Variants in CNNM4 observed in about 807,000 individuals in gnomAD.
CNNM4 encodes metal transporter CNNM4.
Under a neutral mutation model 53.7 loss-of-function variants are expected in CNNM4, and 32 were observed. The ratio of observed to expected loss-of-function variants is 0.60; its 90% CI spans 0.45 to 0.80. The LOEUF is 0.80. CNNM4 is among the 30% of genes least tolerant of loss of function. The pLI is 0.00. For synonymous variants in CNNM4, 410 were observed against 440.0 expected (o/e 0.93, Z 0.85); for missense variants, 784 against 1,022.0 (o/e 0.77, Z 3.17).
intron 1 of CNNM4, among the ~76,000 whole-genome samples, chr2:96,774,998 A>G (rs201005207): frequency 3.1e-4 from 36 of 116,488 alleles, no homozygotes; most frequent in East Asian, 5.4e-4. Context: ...AAAAAAAAAA[A>G]GCCAGAAGAT....
chr2:96,804,211 T>G (rs1016863952), intron 5 of CNNM4, among the ~76,000 whole-genome samples: 4 of 150,056 alleles, frequency 2.7e-5, no homozygotes, highest in Non-Finnish European at 5.9e-5. Flanking sequence ...CTAATCTTAA[T>G]AGGTCACGTC....
chr2:96,768,458 T>G (rs923278946), intron 1 of CNNM4, among the ~76,000 whole-genome samples: 1 of 152,082 alleles, frequency 6.6e-6, no homozygotes. Context: ...TAGGGTGCCG[T>G]GGGGCTGAGG....
intron 3 of CNNM4, among the ~76,000 whole-genome samples, chr2:96,798,653 CAAT>C (rs2079128097): frequency 6.6e-6 from 1 of 152,060 alleles, no homozygotes. Flanking sequence ...GATGCTGATG[CAAT>C]AATTATAGTC....
At chr2:96,793,479 G>C (rs1281774556) in intron 1 of CNNM4, among the ~76,000 whole-genome samples, 3 of 152,222 alleles carry the variant, frequency 2.0e-5, no homozygotes, top group Non-Finnish European at 4.4e-5. Context: ...GGGTGAACGT[G>C]TACATGGTGC....
At position 96,800,753 on chromosome 2, in the gene CNNM4, CTGTT is replaced by C. The variant is rs2079151104; in HGVS notation, c.1948+1109_1948+1112del. Among the ~76,000 whole-genome samples, 1 of 152,228 alleles carries C rather than the reference CTGTT, an allele frequency of 6.6e-6. No individual in the cohort carries two copies. The highest frequency in any genetic ancestry group is 1.5e-5 in the Non-Finnish European group (1 of 68,030). On this transcript the variant is annotated intron_variant, in intron 5 of 6. Transcript: ENST00000377075. The surrounding 1 kb of genome is among the most constrained non-coding windows in gnomAD (Gnocchi z 4.6). ...AGGCACGGGAGGCTTCCCCCAGGCA[CTGTT>C]TGTGCAGTGAAGCCTCAGAGGCCCG... is the stretch of plus-strand genomic sequence containing the variant.
Position 96,797,061 on chromosome 2 carries a change from T to C in CNNM4, c.1452T>C (p.Gly484=), listed in dbSNP as rs2153349269. Residue 484 remains glycine (G), a synonymous_variant, in exon 2 of 7, where the codon GGT becomes GGC. Transcript: ENST00000377075. The surrounding 1 kb of genome is among the most constrained non-coding windows in gnomAD (Gnocchi z 6.0). ...AGAAGGTAAACAACGAGGGTGAGGG[T>C]GACCCCTTCTACGAGGTCCTGGGCC... ...IVQKVNNEGE[G]DPFYEVLGLV... is the part of the protein sequence containing the mutation. 6.2e-7 allele frequency: 1 copy of C among 1,613,960 alleles called. No individual in the cohort carries two copies. Among genetic ancestry groups the C allele is most frequent in the Non-Finnish European group, 8.5e-7 (1 of 1,179,996 alleles).
At chr2:96,794,636 G>A (rs2079088116) in intron 1 of CNNM4, among the ~76,000 whole-genome samples, 1 of 152,148 alleles carries the variant, frequency 6.6e-6, no homozygotes, top group African/African-American at 2.4e-5. Context: ...CTGTTAAAAA[G>A]AATGTTGCCA....
At chr2:96,792,029 T>C (rs939942410) in intron 1 of CNNM4, among the ~76,000 whole-genome samples, 3 of 151,210 alleles carry the variant, frequency 2.0e-5, no homozygotes, top group African/African-American at 7.3e-5. Flanking sequence ...CGAGGTGGGC[T>C]GAACACTTGA....
intron 1 of CNNM4, among the ~76,000 whole-genome samples, chr2:96,796,407 A>G (rs1007350584): frequency 1.3e-5 from 2 of 151,958 alleles, no homozygotes; most frequent in African/African-American, 2.4e-5. Flanking sequence ...AGCCCGTCCA[A>G]GGTGCTGGGA....
At position 96,808,114 on chromosome 2, in the gene CNNM4, C is replaced by G. The variant is rs1024297134; in HGVS notation, c.1949-447C>G. ...ATGTTGGCCAGCCTAGTCTCCAACT[C>G]TGACCTCAGGTCATCCTCCTGCCTC... On this transcript the variant is annotated intron_variant, in intron 5 of 6. Coordinates refer to ENST00000377075, the MANE Select transcript of CNNM4 (RefSeq NM_020184.4). This position sits in a 1 kb window ranked among gnomAD's most constrained non-coding sequence, Gnocchi z 4.9. 5.3e-5 allele frequency among the ~76,000 whole-genome samples: 8 copies of G among 152,142 alleles called. No individual in the cohort carries two copies. The highest frequency in any genetic ancestry group is 1.9e-4 in the African/African-American group (8 of 41,442).
At chr2:96,802,031 A>G (rs988266749) in intron 5 of CNNM4, among the ~76,000 whole-genome samples, 1 of 150,740 alleles carries the variant, frequency 6.6e-6, no homozygotes, top group Non-Finnish European at 1.5e-5. Context: ...GCACCCACCC[A>G]TAGGCACACA....
chr2:96,763,531 A>G (rs1047471427), intron 1 of CNNM4, among the ~76,000 whole-genome samples: 3 of 152,166 alleles, frequency 2.0e-5, no homozygotes, highest in Non-Finnish European at 4.4e-5. Flanking sequence ...CTTCATTCCC[A>G]TAGGAGAGCT....
At chr2:96,793,369 C>T (rs138758993) in intron 1 of CNNM4, among the ~76,000 whole-genome samples, 269 of 152,354 alleles carry the variant, frequency 1.8e-3, no homozygotes, top group African/African-American at 6.3e-3. Flanking sequence ...AAAGCTCACC[C>T]TGCAGAGGGT....
At chr2:96,768,376 C>G (rs2078837287) in intron 1 of CNNM4, among the ~76,000 whole-genome samples, 1 of 152,162 alleles carries the variant, frequency 6.6e-6, no homozygotes, top group Non-Finnish European at 1.5e-5. Flanking sequence ...TAAAACTGCC[C>G]TGTTCACAGA....
chr2:96,793,538 C>T (rs559347679), intron 1 of CNNM4, among the ~76,000 whole-genome samples: 1 of 152,188 alleles, frequency 6.6e-6, no homozygotes, highest in Non-Finnish European at 1.5e-5. Flanking sequence ...GGCTGCCACC[C>T]GAGGGTGCAC....
chr2:96,768,309 AC>A (rs2078836552), intron 1 of CNNM4, among the ~76,000 whole-genome samples: 2 of 152,274 alleles, frequency 1.3e-5, no homozygotes, highest in Admixed American at 1.3e-4. Context: ...ACCAACAGTG[AC>A]CGTTTTGAAG....
chr2:96,799,804 G>A (rs908237216), intron 5 of CNNM4, among the ~76,000 whole-genome samples, 156 bp downstream of exon 5: 8 of 152,166 alleles, frequency 5.3e-5, no homozygotes, highest in East Asian at 1.9e-4. Context: ...GGCCTGGAGC[G>A]GGTGGTGTGG....
intron 1 of CNNM4, among the ~76,000 whole-genome samples, chr2:96,786,235 G>A (rs2079015271): frequency 6.6e-6 from 1 of 152,032 alleles, no homozygotes; most frequent in Admixed American, 6.6e-5. Context: ...TGGCCAACAT[G>A]GCGAAACCCC....
chr2:96,780,009 C>T (rs2078959985), intron 1 of CNNM4, among the ~76,000 whole-genome samples: 1 of 152,094 alleles, frequency 6.6e-6, no homozygotes, highest in African/African-American at 2.4e-5. Flanking sequence ...ACCATGTTGG[C>T]TGGGATGGTC....
Sources: allele counts gnomAD v4.1 joint callset (sites outside exome capture counted in the v4.1 genomes callset), GRCh38; gene constraint gnomAD v4.1.1; non-coding constraint Gnocchi (gnomAD v3.1); transcripts MANE v1.5; gene names NCBI Gene and HGNC (gene_info 2026-07-23, HGNC 2026-07-21).